RAP1GAP: variants seen among roughly 807,000 people sequenced by gnomAD.
The protein encoded by RAP1GAP is rap1 GTPase-activating protein 1.
A neutral mutation model predicts 87.2 loss-of-function variants in RAP1GAP; 35 were observed. The ratio of observed to expected loss-of-function variants is 0.40; its 90% CI spans 0.31 to 0.53. RAP1GAP has a LOEUF of 0.53. Among genes scored for constraint, RAP1GAP ranks in the 20% least tolerant of loss-of-function variants. RAP1GAP has a pLI of 0.48. For synonymous variants in RAP1GAP, 375 were observed against 363.9 expected (o/e 1.03, Z -0.35); for missense variants, 734 against 898.9 (o/e 0.82, Z 2.35).
At chr1:21,642,875 T>TACACACACACACACACACACAC (rs61497285) in intron 2 of RAP1GAP, among the ~76,000 whole-genome samples, 4 of 134,308 alleles carry the variant, frequency 3.0e-5, no homozygotes, top group African/African-American at 5.7e-5. Flanking sequence ...CCTTCCCCAC[T>TACACACACACACACACACACAC]ACACACACAC....
In RAP1GAP at chr1:21,619,034, C is replaced by T. The variant is rs1307016827; in HGVS notation, c.57G>A (p.Pro19=). Residue 19 remains proline (P), a synonymous_variant, in exon 5 of 25, where the codon CCG becomes CCA. Coordinates refer to ENST00000374765, the MANE Select transcript of RAP1GAP (RefSeq NM_002885.4). ...RMDEQRCSFP[P]PLKTEEDYIP... ...TGCCAGGCCCACCTACTTTGAGGGG[C>T]GGCGGGAAGGAGCAGCGTTGTTCAT... is the stretch of plus-strand genomic sequence containing the variant. 5.0e-6 allele frequency: 8 copies of T among 1,600,368 alleles called. No individual in the cohort carries two copies. The highest frequency in any genetic ancestry group is 2.3e-5 in the South Asian group (2 of 88,552).
rs1208126174 is a variant in RAP1GAP, at chr1:21,615,486, G to A, written c.292-1397C>T. On this transcript the variant is annotated intron_variant, in intron 7 of 24. Coordinates refer to ENST00000374765, the MANE Select transcript of RAP1GAP (RefSeq NM_002885.4). The surrounding 1 kb of genome is among the most constrained non-coding windows in gnomAD (Gnocchi z 4.5). ...AGCTCACTGCAATCTCCACCTCCCA[G>A]GTTCAAGCGATTCTCCTGCCTCAGC... is the stretch of plus-strand genomic sequence containing the variant. 6.6e-6 allele frequency among the ~76,000 whole-genome samples: 1 copy of A among 152,070 alleles called. No homozygotes were observed. Among genetic ancestry groups the A allele is most frequent in the Non-Finnish European group, 1.5e-5 (1 of 68,024 alleles).
chr1:21,660,349 T>TATATATATATATATATATATATATATA (rs1257256841), intron 1 of RAP1GAP, among the ~76,000 whole-genome samples: 3 of 64,352 alleles, frequency 4.7e-5, no homozygotes, highest in African/African-American at 4.9e-5. Context: ...CTATATATAT[T>TATATATATATATATATATATATATATA]TATTGAGACA....
intron 2 of RAP1GAP, among the ~76,000 whole-genome samples, chr1:21,639,996 A>T (rs1434967027): frequency 1.3e-5 from 2 of 152,160 alleles, no homozygotes; most frequent in Non-Finnish European, 2.9e-5. Context: ...CGCAAGCAGG[A>T]TCCAGACGCC....
rs531140857 is a variant in RAP1GAP, at chr1:21,599,450, C to T, written c.1776+44G>A. ...GCATCTCCAGGGACCAAAGAGCCCC[C>T]TTCCAAGCTCCTGTGGGGCCCCTGA... On this transcript the variant is annotated intron_variant, in intron 21 of 24. Coordinates refer to ENST00000374765, the MANE Select transcript of RAP1GAP (RefSeq NM_002885.4). The T allele has an allele frequency of 5.1e-4, 798 of 1,578,482 alleles. 6 individuals are homozygous for T. In the South Asian group the frequency reaches 8.5e-3, roughly 17 times the overall value.
At position 21,596,984 on chromosome 1, in the gene RAP1GAP, T is replaced by G. The variant is rs1484129059; in HGVS notation, c.*315A>C. ...AGTCCAGAGGGATGCTCAGGGGTGA[T>G]GGAGGCCCAGGGAGGGGGCAAGCCA... On this transcript the variant is annotated 3_prime_UTR_variant, in exon 25 of 25. Coordinates refer to ENST00000374765, the MANE Select transcript of RAP1GAP (RefSeq NM_002885.4). The G allele has an allele frequency of 6.6e-6, 1 of 152,330 alleles. No individual in the cohort carries two copies. The highest frequency in any genetic ancestry group is 1.5e-5 in the Non-Finnish European group (1 of 68,210). The allele number at this position is 152,330 out of a possible 1,614,324, so 9.4% of individuals were successfully genotyped here.
At chr1:21,651,513 C>T in intron 1 of RAP1GAP, 1 of 657,576 alleles carries the variant, frequency 1.5e-6, no homozygotes, top group Middle Eastern at 2.6e-4. Flanking sequence ...GACACAAACA[C>T]AGCAATGTCC....
intron 3 of RAP1GAP, among the ~76,000 whole-genome samples, chr1:21,621,743 T>A (rs2087802892): frequency 1.3e-5 from 2 of 151,830 alleles, no homozygotes; most frequent in South Asian, 4.2e-4. Context: ...CCCCAAAGAG[T>A]CACACTGATG....
At position 21,615,356 on chromosome 1, in the gene RAP1GAP, C is replaced by G. The variant is rs2081335876; in HGVS notation, c.292-1267G>C. 6.6e-6 allele frequency among the ~76,000 whole-genome samples: 1 copy of G among 152,140 alleles called. No homozygotes were observed. ...TGCCATTCTGCCAGCCCTGGGGCTT[C>G]TCCCTCATTACTGCTAATCTGATCC... On this transcript the variant is annotated intron_variant, in intron 7 of 24. Coordinates refer to ENST00000374765, the MANE Select transcript of RAP1GAP (RefSeq NM_002885.4). This position sits in a 1 kb window ranked among gnomAD's most constrained non-coding sequence, Gnocchi z 4.5.
chr1:21,626,521 G>A, intron 2 of RAP1GAP, 124 bp from the exon 3 acceptor site: 1 of 778,054 alleles, frequency 1.3e-6, no homozygotes, highest in East Asian at 2.6e-5. Flanking sequence ...AGAGGGTCAT[G>A]GGTTCCCCAA....
At chr1:21,614,586 C>T (rs569571743) in intron 7 of RAP1GAP, among the ~76,000 whole-genome samples, 3 of 152,300 alleles carry the variant, frequency 2.0e-5, no homozygotes, top group East Asian at 1.9e-4. Context: ...AAACAGGAAG[C>T]GAAACATCTC....
At position 21,619,663 on chromosome 1, in the gene RAP1GAP, T is replaced by G. The variant is rs1378853265; in HGVS notation, c.18+352A>C. Among the ~76,000 whole-genome samples the G allele has an allele frequency of 2.0e-5, 3 of 151,976 alleles. No individual in the cohort carries two copies. In the East Asian group the frequency reaches 5.8e-4, roughly 30 times the overall value. ...TGACAGGCCCCCAGCATCTGTCCCCTCCTCCAGTTCCATTCCACCTGGGCC... is the reference window on the plus strand; with the variant it reads ...TGACAGGCCCCCAGCATCTGTCCCCGCCTCCAGTTCCATTCCACCTGGGCC... On this transcript the variant is annotated intron_variant, in intron 4 of 24. Transcript: ENST00000374765.
intron 1 of RAP1GAP, among the ~76,000 whole-genome samples, chr1:21,652,155 A>C (rs75141928): frequency 8.2e-6 from 1 of 121,282 alleles, no homozygotes; most frequent in Non-Finnish European, 1.7e-5. Flanking sequence ...CCTCTGTTGG[A>C]GGGACGCCCT....
intron 2 of RAP1GAP, among the ~76,000 whole-genome samples, chr1:21,633,782 G>A (rs2094222907): frequency 6.6e-6 from 1 of 152,190 alleles, no homozygotes; most frequent in South Asian, 2.1e-4. Context: ...AGTCAGGAGG[G>A]GAAGGCCTGG....
intron 1 of RAP1GAP, 113 bp from the exon 2 acceptor site, chr1:21,649,909 T>C: frequency 8.8e-7 from 1 of 1,139,798 alleles, no homozygotes. Flanking sequence ...CTGGAGAAGG[T>C]CCTGTTTCTA....
chr1:21,621,305 G>A (rs761022857), intron 3 of RAP1GAP, among the ~76,000 whole-genome samples: 1 of 152,138 alleles, frequency 6.6e-6, no homozygotes, highest in African/African-American at 2.4e-5. Context: ...TGCCTGCCCC[G>A]GCAGGGTCAC....
chr1:21,605,400 G>A (rs1012319165), intron 18 of RAP1GAP, among the ~76,000 whole-genome samples: 1 of 152,228 alleles, frequency 6.6e-6, no homozygotes, highest in Non-Finnish European at 1.5e-5. Flanking sequence ...CACAGTAGGT[G>A]TTCACTGACA....
rs1308008076 is a variant in RAP1GAP, at chr1:21,622,646, C to A, written c.-18-2596G>T. ...GGGCGGGGCGGGGGCGCTGAAGCCA[C>A]GCCCCCCGGGCGGCCCGGCCCGCGG... On this transcript the variant is annotated intron_variant, in intron 3 of 24. Transcript: ENST00000374765. This position sits in a 1 kb window ranked among gnomAD's most constrained non-coding sequence, Gnocchi z 5.7. The A allele has an allele frequency of 1.4e-5, 2 of 147,692 alleles. No individual in the cohort carries two copies. Among genetic ancestry groups the A allele is most frequent in the Non-Finnish European group, 3.0e-5 (2 of 66,326 alleles). The allele number at this position is 147,692 out of a possible 1,614,324, so 9.1% of individuals were successfully genotyped here.
intron 2 of RAP1GAP, among the ~76,000 whole-genome samples, chr1:21,639,846 G>GT (rs1056290217): frequency 9.2e-5 from 14 of 152,196 alleles, no homozygotes; most frequent in Non-Finnish European, 2.1e-4. Flanking sequence ...GCGAGAGGGT[G>GT]TGTGTGACTC....
Sources: gnomAD v4.1 joint callset for allele counts (sites outside exome capture counted in the v4.1 genomes callset) on GRCh38, gnomAD v4.1.1 for gene constraint, Gnocchi (gnomAD v3.1) non-coding constraint, MANE v1.5 for transcripts, NCBI Gene and HGNC (gene_info 2026-07-23, HGNC 2026-07-21) for gene names.